Variants in OR13G1 observed in about 807,000 individuals in gnomAD.
The protein encoded by OR13G1 is olfactory receptor family 13 subfamily G member 1.
For synonymous variants in OR13G1, 128 were observed against 136.2 expected, an observed-to-expected ratio of 0.94 and a Z score of 0.42; for missense variants, 369 against 385.7, an observed-to-expected ratio of 0.96 and a Z score of 0.36.
intron 1 of OR13G1, among the ~76,000 whole-genome samples, chr1:247,673,480 A>G (rs1012726440): frequency 6.6e-6 from 1 of 152,106 alleles, no homozygotes; most frequent in African/African-American, 2.4e-5. Flanking sequence ...AGTTAATTGC[A>G]TGGTACATTT....
chr1:247,676,573 T>A (rs1330842067), intron 1 of OR13G1, among the ~76,000 whole-genome samples: 1 of 152,158 alleles, frequency 6.6e-6, no homozygotes, highest in East Asian at 1.9e-4. Context: ...GTAATATACA[T>A]TCTCAGTTAT....
In OR13G1 at chr1:247,671,431, T is replaced by A. The variant is rs964157516; in HGVS notation, c.*687A>T. The A allele has an allele frequency of 2.0e-5, 3 of 151,106 alleles. No homozygotes were observed. Among genetic ancestry groups the A allele is most frequent in the African/African-American group, 7.2e-5 (3 of 41,464 alleles). 9.4% of individuals were successfully genotyped at this position (151,106 alleles called of 1,614,324 possible). ...GGTGCCTGTTTCATTGATGGACCCATTGAACCGCCATACACACTATTGACT... is the reference window on the plus strand; with the variant it reads ...GGTGCCTGTTTCATTGATGGACCCAATGAACCGCCATACACACTATTGACT... On this transcript the variant is annotated 3_prime_UTR_variant, in exon 2 of 2. Transcript: ENST00000642119.
chr1:247,673,353 C>G (rs923367123), intron 1 of OR13G1, 74 bp from the exon 2 acceptor site: 2 of 311,788 alleles, frequency 6.4e-6, no homozygotes, highest in African/African-American at 4.6e-5. Flanking sequence ...TCACTTAAAA[C>G]TTGTCTAAAT....
At position 247,673,286 on chromosome 1, in the gene OR13G1, C is replaced by G; in HGVS notation, c.-238-7G>C. ...CCTCCATTGATGACTCAAACTGAAGCCAGTGGTTGAGAAGAAAAATATTTT... is the reference window on the plus strand; with the variant it reads ...CCTCCATTGATGACTCAAACTGAAGGCAGTGGTTGAGAAGAAAAATATTTT... On this transcript the variant is annotated splice_polypyrimidine_tract_variant and splice_region_variant and intron_variant, in intron 1 of 1. Transcript: ENST00000642119. 2.2e-6 allele frequency: 1 copy of G among 461,002 alleles called. No individual in the cohort carries two copies. The highest frequency in any genetic ancestry group is 3.9e-5 in the Admixed American group (1 of 25,394). The allele number at this position is 461,002 out of a possible 1,614,324, so 28.6% of individuals were successfully genotyped here. A position where few individuals can be genotyped will look rare whatever the true frequency, so the allele number is the denominator to read the frequency against.
Position 247,672,872 on chromosome 1 carries a change from T to TA in OR13G1, c.169dup (p.Tyr57LeufsTer52). 6.2e-7 allele frequency: 1 copy of TA among 1,614,076 alleles called. No homozygotes were observed. On this transcript the variant is annotated frameshift_variant, in exon 2 of 2. Transcript: ENST00000642119. LOFTEE classifies it low-confidence loss of function (END_TRUNC). ...AACAGCCAGTGTCAGAAGGAAAACATACATGGGCGTATGCAAGGTGTTGTT... is the reference window on the plus strand; with the variant it reads ...AACAGCCAGTGTCAGAAGGAAAACATAACATGGGCGTATGCAAGGTGTTGTT...
intron 1 of OR13G1, among the ~76,000 whole-genome samples, chr1:247,679,300 A>T (rs1370028694): frequency 6.6e-6 from 1 of 152,188 alleles, no homozygotes; most frequent in Non-Finnish European, 1.5e-5. Context: ...CATTCCCATA[A>T]CTTGGTAAAG....
intron 1 of OR13G1, among the ~76,000 whole-genome samples, chr1:247,678,574 G>T (rs1457587052): frequency 6.6e-6 from 1 of 152,186 alleles, no homozygotes; most frequent in Non-Finnish European, 1.5e-5. Context: ...GGTGATTCTA[G>T]TTCAAGCATC....
chr1:247,670,856 GT>G lies in OR13G1; in HGVS notation c.*1261del, dbSNP rs1299690722. On this transcript the variant is annotated 3_prime_UTR_variant, in exon 2 of 2. Coordinates refer to ENST00000642119, the MANE Select transcript of OR13G1 (RefSeq NM_001005487.2). ...TATTTGTAAGACAAAATTCCAACATGTTTTCATAATTGTGGAAATATATTGT... is the reference window on the plus strand; with the variant it reads ...TATTTGTAAGACAAAATTCCAACATGTTTCATAATTGTGGAAATATATTGT... 1 of 151,852 alleles carries G rather than the reference GT, an allele frequency of 6.6e-6. No homozygotes were observed. The highest frequency in any genetic ancestry group is 2.4e-5 in the African/African-American group (1 of 41,380). 9.4% of individuals were successfully genotyped at this position (151,852 alleles called of 1,614,324 possible). A position where few individuals can be genotyped will look rare whatever the true frequency, so the allele number is the denominator to read the frequency against.
At position 247,672,116 on chromosome 1, in the gene OR13G1, T is replaced by A. The variant is rs1211279480; in HGVS notation, c.*2A>T. On this transcript the variant is annotated 3_prime_UTR_variant, in exon 2 of 2. Transcript: ENST00000642119. ...CAGAAGTGATGTTGCATGTTGAAAC[T>A]ACTAGTGTTTCAGAAATGCAAACAC... 2 of 1,607,256 alleles carry A rather than the reference T, an allele frequency of 1.2e-6. No individual in the cohort carries two copies. Among genetic ancestry groups the A allele is most frequent in the South Asian group, 1.1e-5 (1 of 90,458 alleles).
chr1:247,673,130 G>C lies in OR13G1; in HGVS notation c.-89C>G. ...CTGTGTTGTTAGGAGATAACATGAG[G>C]AGTGTGTGTACTTAGGGACTTAATT... On this transcript the variant is annotated 5_prime_UTR_variant, in exon 2 of 2. Coordinates refer to ENST00000642119, the MANE Select transcript of OR13G1 (RefSeq NM_001005487.2). The C allele has an allele frequency of 9.9e-7, 1 of 1,007,938 alleles. No individual in the cohort carries two copies. Among genetic ancestry groups the C allele is most frequent in the Non-Finnish European group, 1.5e-6 (1 of 679,462 alleles). 62.4% of individuals were successfully genotyped at this position (1,007,938 alleles called of 1,614,324 possible).
Position 247,671,278 on chromosome 1 carries a change from A to C in OR13G1, c.*840T>G, listed in dbSNP as rs1659195687. 6.6e-6 allele frequency: 1 copy of C among 152,068 alleles called. No individual in the cohort carries two copies. Among genetic ancestry groups the C allele is most frequent in the Non-Finnish European group, 1.5e-5 (1 of 68,002 alleles). The allele number at this position is 152,068 out of a possible 1,614,324, so 9.4% of individuals were successfully genotyped here. A position where few individuals can be genotyped will look rare whatever the true frequency, so the allele number is the denominator to read the frequency against. ...TTATAAAAATAATAGGCAGTGCTTC[A>C]TTTGCCTCATGAAATCTCTGTCCTT... On this transcript the variant is annotated 3_prime_UTR_variant, in exon 2 of 2. Transcript: ENST00000642119.
chr1:247,672,659 T>C lies in OR13G1; in HGVS notation c.383A>G (p.His128Arg), dbSNP rs76372161. Reference sequence around the variant, plus strand: ...ATGGTGGTTCATAATAGTACTGTAATGAAGAGGGAAACAAATGGCCACATA... The same window carrying C: ...ATGGTGGTTCATAATAGTACTGTAACGAAGAGGGAAACAAATGGCCACATA... ...DRYVAICFPL[H>R]YSTIMNHHMC... The change falls in exon 2 of 2, where the codon CAT (histidine) becomes CGT (arginine). Residue 128 changes from histidine (H) to arginine (R), a missense_variant. Coordinates refer to ENST00000642119, the MANE Select transcript of OR13G1 (RefSeq NM_001005487.2). 2.8e-3 allele frequency: 4,505 copies of C among 1,613,950 alleles called. 144 individuals carry two copies. The African/African-American group carries it at 0.051, about 18-fold the overall frequency.
At chr1:247,676,678 A>G (rs1014243291) in intron 1 of OR13G1, among the ~76,000 whole-genome samples, 3 of 152,224 alleles carry the variant, frequency 2.0e-5, no homozygotes, top group African/African-American at 7.2e-5. Flanking sequence ...ATATAGTAAC[A>G]TAGCACACTT....
rs143962471 is a variant in OR13G1, at chr1:247,672,371, C to T, written c.671G>A (p.Arg224His). 945 of 1,613,880 alleles carry T rather than the reference C, an allele frequency of 5.9e-4. 5 individuals carry two copies. The highest frequency in any genetic ancestry group is 2.5e-3 in the Admixed American group (152 of 59,986). Residue 224 changes from arginine to histidine, a missense_variant, in exon 2 of 2, where the codon CGT (arginine) becomes CAT (histidine). Transcript: ENST00000642119. ...SYGFIIVAIL[R>H]IRTVEGKRKA... ...CCTCTTGCCTTCTACTGTGCGGATA[C>T]GGAGAATAGCAACAATGATAAAACC... is the stretch of plus-strand genomic sequence containing the variant.
intron 1 of OR13G1, among the ~76,000 whole-genome samples, chr1:247,677,142 C>T (rs1659360633): frequency 6.6e-6 from 1 of 152,084 alleles, no homozygotes; most frequent in Non-Finnish European, 1.5e-5. Flanking sequence ...ACTTGGGACG[C>T]TGAGGCAGGA....
Position 247,672,546 on chromosome 1 carries a change from A to C in OR13G1, c.496T>G (p.Cys166Gly), listed in dbSNP as rs767356993. The C allele has an allele frequency of 1.4e-5, 23 of 1,614,166 alleles. No individual in the cohort carries two copies. The highest frequency in any genetic ancestry group is 1.5e-5 in the Non-Finnish European group (18 of 1,180,016). ...AAGTGGTCAATGGTGTTTGGCCCAC[A>C]GAAAGTCAACCTCATGATAAGAGCT... is the stretch of plus-strand genomic sequence containing the variant. ...HTALIMRLTFCGPNTIDHFFC... is the reference protein window; with the variant it reads ...HTALIMRLTFGGPNTIDHFFC... Residue 166 changes from cysteine to glycine, a missense_variant, in exon 2 of 2, where the codon TGT (cysteine) becomes GGT (glycine). Cys to Gly is a radical substitution (Grantham distance 159). Transcript: ENST00000642119.
chr1:247,676,983 G>T (rs1206503212), intron 1 of OR13G1, among the ~76,000 whole-genome samples: 1 of 152,152 alleles, frequency 6.6e-6, no homozygotes, highest in Non-Finnish European at 1.5e-5. Context: ...AACTGGCCTG[G>T]TGTGTGGTTC....
intron 1 of OR13G1, among the ~76,000 whole-genome samples, chr1:247,675,273 T>C (rs778144585): frequency 3.3e-5 from 5 of 152,066 alleles, no homozygotes; most frequent in Non-Finnish European, 7.4e-5. Flanking sequence ...TGGAGAACTG[T>C]CACTTATTAA....
chr1:247,672,477 C>G lies in OR13G1; in HGVS notation c.565G>C (p.Val189Leu), dbSNP rs56096718. 0.042 allele frequency: 68,224 copies of G among 1,614,042 alleles called. 1,692 individuals are homozygous for G. The highest frequency in any genetic ancestry group is 0.094 in the Middle Eastern group (571 of 6,062). ...PPLLALSCSPVRINEVMVYVA... is the reference protein window; with the variant it reads ...PPLLALSCSPLRINEVMVYVA... ...TACACCATCACCTCATTGATTCTTA[C>G]AGGGCTACAGGACAAAGCCAGCAAT... Residue 189 changes from valine (V) to leucine (L), a missense_variant, in exon 2 of 2, where the codon GTA becomes CTA. Coordinates refer to ENST00000642119, the MANE Select transcript of OR13G1 (RefSeq NM_001005487.2).
Sources: allele counts gnomAD v4.1 joint callset (sites outside exome capture counted in the v4.1 genomes callset), GRCh38; gene constraint gnomAD v4.1.1; transcripts MANE v1.5; gene names NCBI Gene and HGNC (gene_info 2026-07-23, HGNC 2026-07-21).